The following SIMC1 variants were observed in gnomAD, a reference collection of about 807,000 sequenced individuals.
The protein encoded by SIMC1 is SUMO-interacting motif-containing protein 1.
SIMC1 carries 55 observed loss-of-function variants against 82.3 expected under a neutral mutation model. The observed-to-expected ratio is 0.67, with a 90% CI of 0.54 to 0.84. SIMC1 has a LOEUF of 0.84. SIMC1 is among the 40% of genes least tolerant of loss of function. The pLI is 0.00. For synonymous variants in SIMC1, 353 were observed against 426.3 expected (o/e 0.83, Z 2.12); for missense variants, 915 against 1,107.2 (o/e 0.83, Z 2.46).
chr5:176,250,654 G>A (rs1042979912), intron 1 of SIMC1, among the ~76,000 whole-genome samples: 1 of 152,176 alleles, frequency 6.6e-6, no homozygotes, highest in Admixed American at 6.5e-5. Flanking sequence ...CCTGTATTGG[G>A]TGCATATATA....
Position 176,336,843 on chromosome 5 carries a change from T to C in SIMC1, c.2295T>C (p.Phe765=). The C allele has an allele frequency of 6.2e-7, 1 of 1,613,984 alleles. No homozygotes were observed. Among genetic ancestry groups the C allele is most frequent in the Non-Finnish European group, 8.5e-7 (1 of 1,179,884 alleles). The change falls in exon 8 of 10, where the codon TTT becomes TTC. Residue 765 remains phenylalanine (F), a synonymous_variant. Coordinates refer to ENST00000429602, the MANE Select transcript of SIMC1 (RefSeq NM_001308195.2). ...TGTCTCTGGCCCAGGCCCTCTACTTTCTGAATAATTCTACGTCACTGCTCA... is the reference window on the plus strand; with the variant it reads ...TGTCTCTGGCCCAGGCCCTCTACTTCCTGAATAATTCTACGTCACTGCTCA... The part of the protein sequence containing the change: ...LPLSLAQALY[F]LNNSTSLLKC...
chr5:176,256,948 G>T (rs1028706389), intron 1 of SIMC1, among the ~76,000 whole-genome samples: 6 of 151,932 alleles, frequency 3.9e-5, no homozygotes, highest in African/African-American at 1.5e-4. Flanking sequence ...GTAGAGACAG[G>T]GTCTCACTAT....
At chr5:176,294,191 G>C (rs1037338119) in intron 2 of SIMC1, among the ~76,000 whole-genome samples, 1 of 152,140 alleles carries the variant, frequency 6.6e-6, no homozygotes, top group African/African-American at 2.4e-5. Flanking sequence ...TAACATAGAT[G>C]AAATCATGTT....
At chr5:176,274,134 G>A (rs1262255128) in intron 1 of SIMC1, among the ~76,000 whole-genome samples, 2 of 147,770 alleles carry the variant, frequency 1.4e-5, no homozygotes, top group African/African-American at 5.0e-5. Context: ...GTATAAAAGT[G>A]TTCCTATTTC....
chr5:176,283,159 G>A (rs561108853), intron 1 of SIMC1, among the ~76,000 whole-genome samples: 4 of 152,224 alleles, frequency 2.6e-5, no homozygotes, highest in Admixed American at 2.0e-4. Flanking sequence ...ATTCAAATTC[G>A]GGAAGTATAG....
At chr5:176,264,226 C>T (rs1762114338) in intron 1 of SIMC1, among the ~76,000 whole-genome samples, 2 of 152,252 alleles carry the variant, frequency 1.3e-5, no homozygotes, top group South Asian at 2.1e-4. Flanking sequence ...CCACCCTCAG[C>T]TCTGGAGGGC....
At chr5:176,324,512 A>G (rs1481022626) in intron 6 of SIMC1, 117 bp from the exon 7 acceptor site, 13 of 1,047,050 alleles carry the variant, frequency 1.2e-5, no homozygotes, top group African/African-American at 3.3e-5. Context: ...TGTGTGCTTT[A>G]TAAGATCCTT....
chr5:176,262,085 C>A (rs1272121901), intron 1 of SIMC1, among the ~76,000 whole-genome samples: 1 of 151,244 alleles, frequency 6.6e-6, no homozygotes, highest in African/African-American at 2.4e-5. Context: ...ATTAGCAAAT[C>A]AAATCCAACA....
intron 1 of SIMC1, among the ~76,000 whole-genome samples, chr5:176,281,391 T>C (rs554359029): frequency 3.3e-5 from 5 of 151,988 alleles, no homozygotes; most frequent in Admixed American, 1.3e-4. Context: ...CTCCTGTAGC[T>C]TGTAGTTTGA....
chr5:176,248,807 T>C (rs1463094821), intron 1 of SIMC1, among the ~76,000 whole-genome samples: 5 of 152,146 alleles, frequency 3.3e-5, no homozygotes, highest in Admixed American at 3.3e-4. Flanking sequence ...GGAGAGTTTT[T>C]AGCATGAAGT....
rs566211194 is a variant in SIMC1, at chr5:176,243,584, C to T, written c.129+4947C>T. Among the ~76,000 whole-genome samples the T allele has an allele frequency of 7.3e-5, 11 of 151,448 alleles. No homozygotes were observed. The South Asian group carries it at 1.0e-3, about 14-fold the overall frequency. On this transcript the variant is annotated intron_variant, in intron 1 of 9. Transcript: ENST00000429602. ...TTGCCCAGGCTGTAGTGCAGTGGTGCGATCTCGGCTCACTGCAACCCCCAC... is the reference window on the plus strand; with the variant it reads ...TTGCCCAGGCTGTAGTGCAGTGGTGTGATCTCGGCTCACTGCAACCCCCAC...
At chr5:176,309,004 T>A in intron 4 of SIMC1, 1 of 818,352 alleles carries the variant, frequency 1.2e-6, no homozygotes, top group Non-Finnish European at 2.2e-6. Context: ...AACTTTCTTC[T>A]CTGGAATAAA....
rs192243127 is a variant in SIMC1, at chr5:176,299,586, C to T, written c.1734+3266C>T. Among the ~76,000 whole-genome samples the T allele has an allele frequency of 3.4e-3, 523 of 152,192 alleles. 1 individual carries two copies. The highest frequency in any genetic ancestry group is 5.7e-3 in the Non-Finnish European group (389 of 68,010). ...GGGTCAATTCACCAAGGAGGTATAA[C>T]AATTACAAATATATATGCACTAAAC... On this transcript the variant is annotated intron_variant, in intron 4 of 9. Coordinates refer to ENST00000429602, the MANE Select transcript of SIMC1 (RefSeq NM_001308195.2).
chr5:176,304,511 T>G lies in SIMC1; in HGVS notation c.1734+8191T>G, dbSNP rs1211314749. ...GTGCTCAATGGTGCCCAGGCTGGAG[T>G]GCAGTGGCGTGATCTCGGCTCACTA... On this transcript the variant is annotated intron_variant, in intron 4 of 9. Coordinates refer to ENST00000429602, the MANE Select transcript of SIMC1 (RefSeq NM_001308195.2). 1.7e-3 allele frequency: 263 copies of G among 157,086 alleles called. 2 individuals carry two copies. The highest frequency in any genetic ancestry group is 3.0e-3 in the Non-Finnish European group (212 of 70,838). The allele number at this position is 157,086 out of a possible 1,614,324, so 9.7% of individuals were successfully genotyped here.
chr5:176,304,060 C>T (rs1226699148), intron 4 of SIMC1, among the ~76,000 whole-genome samples: 2 of 152,134 alleles, frequency 1.3e-5, no homozygotes, highest in Non-Finnish European at 2.9e-5. Flanking sequence ...AATAATACTG[C>T]ATCAAACTTC....
At chr5:176,313,305 A>G in intron 4 of SIMC1, 1 of 1,455,536 alleles carries the variant, frequency 6.9e-7, no homozygotes, top group Non-Finnish European at 9.1e-7. Context: ...TGATAGGTTC[A>G]GTGAGAGGGA....
intron 1 of SIMC1, among the ~76,000 whole-genome samples, chr5:176,248,398 GCTTT>G (rs1469274356): frequency 6.6e-6 from 1 of 152,038 alleles, no homozygotes; most frequent in Non-Finnish European, 1.5e-5. Flanking sequence ...TCATGATTTG[GCTTT>G]CTGTTTGTCT....
At position 176,322,343 on chromosome 5, in the gene SIMC1, A is replaced by G; in HGVS notation, c.1960A>G (p.Thr654Ala). The G allele has an allele frequency of 6.3e-7, 1 of 1,597,152 alleles. No individual in the cohort carries two copies. The highest frequency in any genetic ancestry group is 8.5e-7 in the Non-Finnish European group (1 of 1,171,678). ...GLTQPPNGNQ[T>A]SSGTGILKAS... Reference sequence around the variant, plus strand: ...GACTCAGCCCCCAAATGGAAATCAAACGTCTTCAGGAACAGGAATCTTGAA... The same window carrying G: ...GACTCAGCCCCCAAATGGAAATCAAGCGTCTTCAGGAACAGGAATCTTGAA... Residue 654 changes from threonine to alanine, a missense_variant, in exon 6 of 10, where the codon ACG (threonine) becomes GCG (alanine). By Grantham distance (58) the Thr-to-Ala change is moderately conservative (BLOSUM62 0). Transcript: ENST00000429602.
At chr5:176,286,058 G>C (rs1218277165) in intron 1 of SIMC1, among the ~76,000 whole-genome samples, 40 of 152,178 alleles carry the variant, frequency 2.6e-4, no homozygotes, top group Non-Finnish European at 4.4e-4. Context: ...TGGCCATACT[G>C]CCCAAGGTAA....
Sources: allele counts gnomAD v4.1 joint callset (sites outside exome capture counted in the v4.1 genomes callset), GRCh38; gene constraint gnomAD v4.1.1; transcripts MANE v1.5; gene names NCBI Gene and HGNC (gene_info 2026-07-23, HGNC 2026-07-21).